The following MEF2D variants were observed in gnomAD, a reference collection of about 807,000 sequenced individuals.
MEF2D encodes the protein myocyte enhancer factor 2D.
MEF2D carries 10 observed loss-of-function variants against 59.3 expected under a neutral mutation model. The observed-to-expected ratio is 0.17, with a 90% CI of 0.10 to 0.29. MEF2D has a LOEUF of 0.29. MEF2D is among the 10% of genes least tolerant of loss of function. The probability of loss-of-function intolerance (pLI) is 1.00; values close to 1 mark genes in which losing one functional copy is unlikely to be tolerated. For synonymous variants in MEF2D, 305 were observed against 295.0 expected, an observed-to-expected ratio of 1.03 and a Z score of -0.35; for missense variants, 508 against 699.4, an observed-to-expected ratio of 0.73 and a Z score of 3.09.
chr1:156,480,533 T>G (rs1671926808), intron 4 of MEF2D: 1 of 1,168,146 alleles, frequency 8.6e-7, no homozygotes, highest in Admixed American at 2.9e-5. Context: ...CAGTGGTCAC[T>G]AAGAACCCGA....
intron 8 of MEF2D, 108 bp from the exon 9 acceptor site, chr1:156,475,345 G>A: frequency 7.3e-7 from 1 of 1,372,294 alleles, no homozygotes; most frequent in Non-Finnish European, 9.7e-7. Context: ...AGCCAAGGCG[G>A]GGTGCCTTAG....
intron 9 of MEF2D, among the ~76,000 whole-genome samples, chr1:156,470,123 T>C (rs1671140945): frequency 6.6e-6 from 1 of 152,234 alleles, no homozygotes; most frequent in South Asian, 2.1e-4. Context: ...TGTCACAGAA[T>C]AAATAGAATC....
chr1:156,469,290 C>T (rs1416224339), intron 9 of MEF2D, among the ~76,000 whole-genome samples: 2 of 152,128 alleles, frequency 1.3e-5, no homozygotes, highest in Admixed American at 6.5e-5. Flanking sequence ...TGGAGTCTCA[C>T]TCTATTGCCC....
intron 9 of MEF2D, among the ~76,000 whole-genome samples, chr1:156,469,768 T>C (rs1778835): frequency 0.94 from 143,420 of 152,106 alleles, 67,729 homozygotes; most frequent in East Asian, 1. Flanking sequence ...GCACTGTAGT[T>C]CCAGTTATTC....
chr1:156,472,350 G>A (rs1167479804), intron 9 of MEF2D, among the ~76,000 whole-genome samples: 1 of 152,208 alleles, frequency 6.6e-6, no homozygotes, highest in African/African-American at 2.4e-5. Flanking sequence ...CTGTGAAGTT[G>A]CCAGGACATC....
Position 156,480,944 on chromosome 1 carries a change from A to G in MEF2D, c.286T>C (p.Cys96Arg). 4 of 1,612,134 alleles carry G rather than the reference A, an allele frequency of 2.5e-6. No homozygotes were observed. Among genetic ancestry groups the G allele is most frequent in the Non-Finnish European group, 3.4e-6 (4 of 1,179,948 alleles). The change falls in exon 4 of 12, where the codon TGC becomes CGC. Residue 96 changes from cysteine to arginine, a missense_variant. Cys to Arg is a radical substitution (Grantham distance 180). This residue lies in a region of MEF2D where 481 missense variants were observed against 584.7 expected (regional missense o/e 0.82). Coordinates refer to ENST00000348159, the MANE Select transcript of MEF2D (RefSeq NM_005920.4). ...TCCCCGTCGGGCTCGGGGCTGTCGC[A>G]GCCGTTGAAGCCCTTCTTCCTCAGG... ...ETLRKKGFNG[C>R]DSPEPDGEDS...
intron 1 of MEF2D, chr1:156,490,516 T>A (rs947660): frequency 0.94 from 143,290 of 152,462 alleles, 67,429 homozygotes; most frequent in East Asian, 1. Flanking sequence ...ACTCACCGAC[T>A]GGGGACCTGG....
intron 1 of MEF2D, among the ~76,000 whole-genome samples, chr1:156,496,625 C>T (rs959655847): frequency 8.5e-5 from 13 of 152,296 alleles, no homozygotes; most frequent in Middle Eastern, 3.4e-3. Flanking sequence ...TTCTTGCCTC[C>T]GGTCCCCTCA....
intron 9 of MEF2D, among the ~76,000 whole-genome samples, chr1:156,470,928 T>C (rs900316382): frequency 6.6e-6 from 1 of 152,200 alleles, no homozygotes; most frequent in Non-Finnish European, 1.5e-5. Context: ...CCCAGGACTC[T>C]ATTACCTTTA....
chr1:156,485,962 G>C (rs1303201689), intron 1 of MEF2D, among the ~76,000 whole-genome samples: 1 of 151,284 alleles, frequency 6.6e-6, no homozygotes, highest in East Asian at 1.9e-4. Flanking sequence ...CGATTCTCCT[G>C]CCTCGGCCTC....
At chr1:156,481,803 G>A (rs1386919941) in intron 3 of MEF2D, among the ~76,000 whole-genome samples, 71 of 152,214 alleles carry the variant, frequency 4.7e-4, no homozygotes, top group Non-Finnish European at 1.5e-5. Flanking sequence ...GTGAGAAGCA[G>A]GGACATTCAA....
At chr1:156,479,859 TC>T in intron 4 of MEF2D, 63 bp from the exon 5 acceptor site, 1 of 1,472,758 alleles carries the variant, frequency 6.8e-7, no homozygotes, top group East Asian at 2.5e-5. Flanking sequence ...AGTCCACTTT[TC>T]CTGGGAGGGC....
intron 1 of MEF2D, among the ~76,000 whole-genome samples, chr1:156,489,305 G>C (rs1672590242): frequency 6.6e-6 from 1 of 151,922 alleles, no homozygotes; most frequent in Non-Finnish European, 1.5e-5. Flanking sequence ...GGGAGGGGGT[G>C]ACAATCCAAT....
In MEF2D at chr1:156,468,693, C is replaced by G; in HGVS notation, c.1247+87G>C. On this transcript the variant is annotated intron_variant, in intron 10 of 11. Transcript: ENST00000348159. The surrounding 1 kb of genome is among the most constrained non-coding windows in gnomAD (Gnocchi z 4.3). The stretch of plus-strand genomic sequence containing the variant: ...TCATAGGATGTCCACTAGAACCCTG[C>G]AGGGAACCCAGCTCCCAAGAGGTCC... 6.5e-7 allele frequency: 1 copy of G among 1,548,900 alleles called. No individual in the cohort carries two copies. The highest frequency in any genetic ancestry group is 8.7e-7 in the Non-Finnish European group (1 of 1,142,992).
chr1:156,496,360 C>A (rs903735488), intron 1 of MEF2D, among the ~76,000 whole-genome samples: 3 of 152,122 alleles, frequency 2.0e-5, no homozygotes, highest in African/African-American at 4.8e-5. Flanking sequence ...ATCTGGAAAG[C>A]TGGGGCCCAA....
At position 156,482,581 on chromosome 1, in the gene MEF2D, T is replaced by A; in HGVS notation, c.114A>T (p.Leu38=). The A allele has an allele frequency of 6.2e-7, 1 of 1,614,236 alleles. No homozygotes were observed. Among genetic ancestry groups the A allele is most frequent in the Non-Finnish European group, 8.5e-7 (1 of 1,180,040 alleles). ...LMKKAYELSV[L]CDCEIALIIF... is the part of the protein sequence containing the mutation. ...TGATGAGTGCGATCTCGCAGTCACA[T>A]AGCACGCTCAGCTCATACGCCTTCT... is the stretch of plus-strand genomic sequence containing the variant. The change falls in exon 3 of 12, where the codon CTA becomes CTT. Residue 38 remains leucine, a synonymous_variant. Transcript: ENST00000348159.
chr1:156,475,732 C>A lies in MEF2D; in HGVS notation c.877-495G>T, dbSNP rs146690474. Reference sequence around the variant, plus strand: ...CTGCCGCTGAGTCACTTGTTTATTCCAACTCCATGCTGGGGCCGAAACTGC... The same window carrying A: ...CTGCCGCTGAGTCACTTGTTTATTCAAACTCCATGCTGGGGCCGAAACTGC... On this transcript the variant is annotated intron_variant, in intron 8 of 11. Transcript: ENST00000348159. 2.0e-3 allele frequency among the ~76,000 whole-genome samples: 300 copies of A among 152,316 alleles called. 1 individual carries two copies. The East Asian group carries it at 0.022, about 11-fold the overall frequency.
intron 9 of MEF2D, among the ~76,000 whole-genome samples, chr1:156,470,139 A>C (rs1671141761): frequency 2.6e-5 from 4 of 152,226 alleles, no homozygotes; most frequent in Non-Finnish European, 5.9e-5. Flanking sequence ...GAATCACTGA[A>C]TGTTTCATGA....
chr1:156,475,802 T>C (rs1200852711), intron 8 of MEF2D, among the ~76,000 whole-genome samples: 2 of 152,222 alleles, frequency 1.3e-5, no homozygotes, highest in African/African-American at 4.8e-5. Flanking sequence ...CCAGCCTCTC[T>C]GGCCTCCCGT....
Sources: allele counts gnomAD v4.1 joint callset (sites outside exome capture counted in the v4.1 genomes callset), GRCh38; gene constraint gnomAD v4.1.1; regional missense constraint gnomAD v4.1.1; non-coding constraint Gnocchi (gnomAD v3.1); transcripts MANE v1.5; gene names NCBI Gene and HGNC (gene_info 2026-07-23, HGNC 2026-07-21).